Variants in AGPAT3 observed in about 807,000 individuals in gnomAD.
The protein encoded by AGPAT3 is 1-acyl-sn-glycerol-3-phosphate acyltransferase gamma.
In AGPAT3, 5 loss-of-function variants were observed where a neutral mutation model predicts 47.3. The observed-to-expected ratio is 0.11, with a 90% CI of 0.06 to 0.22. AGPAT3 has a LOEUF of 0.22. Among genes scored for constraint, AGPAT3 ranks in the 10% least tolerant of loss-of-function variants. The pLI is 1.00. For synonymous variants in AGPAT3, 212 were observed against 208.3 expected, an observed-to-expected ratio of 1.02 and a Z score of -0.15; for missense variants, 315 against 493.0, an observed-to-expected ratio of 0.64 and a Z score of 3.42.
intron 1 of AGPAT3, among the ~76,000 whole-genome samples, chr21:43,891,273 A>G (rs2086097625): frequency 6.6e-6 from 1 of 152,178 alleles, no homozygotes; most frequent in African/African-American, 2.4e-5. Context: ...TATTTCCACA[A>G]TGTTCACAGC....
rs568234997 is a variant in AGPAT3 at position 43,881,663 on chromosome 21, A to AT, written c.-112+16329dup. 1.6e-3 allele frequency among the ~76,000 whole-genome samples: 246 copies of AT among 149,492 alleles called. 1 individual carries two copies. Among genetic ancestry groups the AT allele is most frequent in the Non-Finnish European group, 2.7e-3 (179 of 67,044 alleles). On this transcript the variant is annotated intron_variant, in intron 1 of 9. Transcript: ENST00000291572. ...CTGGGTTAAATAAAATGTATTATTA[A>AT]TTTTTTTTTTTAGATGGAGTTTTGC...
At position 43,944,231 on chromosome 21, in the gene AGPAT3, G is replaced by A. The variant is rs1027303455; in HGVS notation, c.-48-15403G>A. ...GAAATGCAGGCTGAGTGGAGGCCCC[G>A]GCCCTCGCCACTCTGGAGCGATGGC... On this transcript the variant is annotated intron_variant, in intron 2 of 9. Transcript: ENST00000291572. Among the ~76,000 whole-genome samples, 4 of 152,244 alleles carry A rather than the reference G, an allele frequency of 2.6e-5. No individual in the cohort carries two copies. The East Asian group carries it at 5.8e-4, about 22-fold the overall frequency.
Position 43,980,969 on chromosome 21 carries a change from T to C in AGPAT3, c.844-20T>C, listed in dbSNP as rs373767673. On this transcript the variant is annotated intron_variant, in intron 8 of 9. Transcript: ENST00000291572. ...TGTAAAGAAGCCTCACGCTTCCTTT[T>C]TCTCTGTTGACTCTTCTAGGACGCG... The C allele has an allele frequency of 4.8e-5, 77 of 1,606,480 alleles. No homozygotes were observed. Among genetic ancestry groups the C allele is most frequent in the African/African-American group, 3.9e-4 (29 of 74,874 alleles).
chr21:43,956,682 G>GA (rs1160396345), intron 2 of AGPAT3, among the ~76,000 whole-genome samples: 1 of 152,202 alleles, frequency 6.6e-6, no homozygotes, highest in African/African-American at 2.4e-5. Flanking sequence ...TGGGTGCTGT[G>GA]GGGTTGCAGG....
At chr21:43,890,357 T>G (rs1254175280) in intron 1 of AGPAT3, among the ~76,000 whole-genome samples, 1 of 152,210 alleles carries the variant, frequency 6.6e-6, no homozygotes, top group Non-Finnish European at 1.5e-5. Flanking sequence ...ACCATGCTTC[T>G]GAAACAGGGT....
chr21:43,867,290 C>G (rs2085529532), intron 1 of AGPAT3: 1 of 152,240 alleles, frequency 6.6e-6, no homozygotes, highest in African/African-American at 2.4e-5. Flanking sequence ...ACTCCCACCT[C>G]CACAGACCCG....
intron 2 of AGPAT3, among the ~76,000 whole-genome samples, chr21:43,949,967 G>T (rs1401701174): frequency 6.6e-6 from 1 of 152,166 alleles, no homozygotes; most frequent in Non-Finnish European, 1.5e-5. Flanking sequence ...TGCCGTAGAG[G>T]ACAGCCCTTC....
chr21:43,918,658 C>T (rs1179619092), intron 2 of AGPAT3, among the ~76,000 whole-genome samples: 2 of 149,720 alleles, frequency 1.3e-5, no homozygotes, highest in African/African-American at 4.9e-5. Context: ...ACGATCTTGG[C>T]TCACCGCAAT....
chr21:43,983,496 C>G lies in AGPAT3; in HGVS notation c.*1104C>G, dbSNP rs934511175. 2.6e-5 allele frequency: 4 copies of G among 152,320 alleles called. No homozygotes were observed. The highest frequency in any genetic ancestry group is 4.4e-5 in the Non-Finnish European group (3 of 68,094). 9.4% of individuals were successfully genotyped at this position (152,320 alleles called of 1,614,324 possible). A position where few individuals can be genotyped will look rare whatever the true frequency, so the allele number is the denominator to read the frequency against. ...TGGGGAAGGCCCGCCCCCATCCTGG[C>G]CGGTGTCACTGTGGCCCGGCCACCC... On this transcript the variant is annotated 3_prime_UTR_variant, in exon 10 of 10. Transcript: ENST00000291572.
chr21:43,877,516 C>T (rs963139412), intron 1 of AGPAT3, among the ~76,000 whole-genome samples: 2 of 151,900 alleles, frequency 1.3e-5, no homozygotes, highest in African/African-American at 4.8e-5. Context: ...CATGTTGGCT[C>T]ACCACAACTT....
intron 1 of AGPAT3, among the ~76,000 whole-genome samples, chr21:43,886,109 T>C (rs2085971152): frequency 6.6e-6 from 1 of 152,210 alleles, no homozygotes; most frequent in African/African-American, 2.4e-5. Context: ...GACTGGTGGC[T>C]GAGCATGGGG....
intron 2 of AGPAT3, among the ~76,000 whole-genome samples, chr21:43,940,283 G>T (rs1007603884): frequency 6.6e-6 from 1 of 152,268 alleles, no homozygotes; most frequent in African/African-American, 2.4e-5. Flanking sequence ...CTCTTCTCAG[G>T]GATCTGTGTG....
intron 1 of AGPAT3, among the ~76,000 whole-genome samples, chr21:43,901,760 A>G (rs979851573): frequency 6.6e-6 from 1 of 152,168 alleles, no homozygotes; most frequent in East Asian, 1.9e-4. Flanking sequence ...GGGTGACAGC[A>G]TGAGACTGTC....
chr21:43,923,548 C>T (rs1356154908), intron 2 of AGPAT3, among the ~76,000 whole-genome samples: 1 of 152,198 alleles, frequency 6.6e-6, no homozygotes, highest in East Asian at 1.9e-4. Context: ...ACAAGACTGC[C>T]CCACTGTCAG....
intron 7 of AGPAT3, among the ~76,000 whole-genome samples, chr21:43,973,450 G>A (rs2089477217): frequency 6.6e-6 from 1 of 152,206 alleles, no homozygotes; most frequent in Admixed American, 6.5e-5. Flanking sequence ...GGTGGTTAGT[G>A]GTGGCTTGAG....
chr21:43,963,816 C>T (rs774879290), intron 3 of AGPAT3, among the ~76,000 whole-genome samples: 13 of 151,796 alleles, frequency 8.6e-5, no homozygotes, highest in South Asian at 2.1e-4. Flanking sequence ...AGATTTCTTA[C>T]GGCAGGCAGC....
intron 7 of AGPAT3, among the ~76,000 whole-genome samples, chr21:43,973,535 C>T (rs930362649): frequency 2.6e-5 from 4 of 152,226 alleles, no homozygotes; most frequent in Admixed American, 2.0e-4. Flanking sequence ...AGCTGCACGG[C>T]GCCTCCGCCT....
At chr21:43,969,499 GCCAT>G (rs1410503962) in intron 5 of AGPAT3, among the ~76,000 whole-genome samples, 1 of 152,204 alleles carries the variant, frequency 6.6e-6, no homozygotes, top group African/African-American at 2.4e-5. Flanking sequence ...CTCTGACCAG[GCCAT>G]CCTAAGGGGA....
chr21:43,964,264 G>T (rs907959785), intron 3 of AGPAT3, among the ~76,000 whole-genome samples: 10 of 151,990 alleles, frequency 6.6e-5, no homozygotes, highest in Non-Finnish European at 1.2e-4. Flanking sequence ...GGGCACCTGT[G>T]ATCCCAGCTC....
Sources: allele counts gnomAD v4.1 joint callset (sites outside exome capture counted in the v4.1 genomes callset), GRCh38; gene constraint gnomAD v4.1.1; transcripts MANE v1.5; gene names NCBI Gene and HGNC (gene_info 2026-07-23, HGNC 2026-07-21).